COL21A1: variants seen among roughly 807,000 people sequenced by gnomAD.
COL21A1 encodes the protein collagen alpha-1(XXI) chain.
In COL21A1, 149 loss-of-function variants were observed where a neutral mutation model predicts 137.9. The observed-to-expected ratio is 1.08, with a 90% confidence interval of 0.95 to 1.24. The LOEUF (loss-of-function observed/expected upper bound fraction) is 1.24, where lower values mean the gene tolerates loss of function less well. COL21A1 is among the 50% of genes most tolerant of loss of function. The probability of loss-of-function intolerance (pLI) is 0.00; values close to 1 mark genes in which losing one functional copy is unlikely to be tolerated. For missense variants in COL21A1, 1,167 were observed against 1,158.4 expected, an observed-to-expected ratio of 1.01 and a Z score of -0.11; for synonymous variants, 456 against 391.5, an observed-to-expected ratio of 1.16 and a Z score of -1.95.
intron 1 of COL21A1, among the ~76,000 whole-genome samples, chr6:56,263,255 C>T (rs913413572): frequency 1.3e-5 from 2 of 151,980 alleles, no homozygotes; most frequent in East Asian, 3.8e-4. Flanking sequence ...CATAAAGGGC[C>T]AAAGAAATTA....
At chr6:56,098,698 TATATATATAA>T (rs1265003596) in intron 17 of COL21A1, among the ~76,000 whole-genome samples, 17 of 70,688 alleles carry the variant, frequency 2.4e-4, no homozygotes, top group South Asian at 7.1e-4. Flanking sequence ...AATATATAAA[TATATATATAA>T]ATATATATAA....
At chr6:56,246,571 G>A (rs1782657624) in intron 1 of COL21A1, among the ~76,000 whole-genome samples, 1 of 151,976 alleles carries the variant, frequency 6.6e-6, no homozygotes, top group Non-Finnish European at 1.5e-5. Context: ...AAATTTGCAG[G>A]TGTCTTCTCT....
chr6:56,116,073 A>C (rs902375972), intron 16 of COL21A1, among the ~76,000 whole-genome samples: 5 of 152,108 alleles, frequency 3.3e-5, no homozygotes, highest in African/African-American at 1.2e-4. Context: ...CTTAAAGATG[A>C]GGTAGAGAAA....
intron 27 of COL21A1, chr6:56,060,439 A>G: frequency 3.9e-6 from 2 of 516,208 alleles, no homozygotes; most frequent in South Asian, 3.3e-5. Flanking sequence ...GGAAAAAGTG[A>G]AAGTGCCCCC....
chr6:56,255,748 C>CA (rs1448406155), intron 1 of COL21A1, among the ~76,000 whole-genome samples: 2 of 152,154 alleles, frequency 1.3e-5, no homozygotes, highest in African/African-American at 4.8e-5. Flanking sequence ...GTGGCTTCAC[C>CA]CTCAATGCTT....
In COL21A1 at chr6:56,059,833, T is replaced by A. The variant is rs142983809; in HGVS notation, c.2608+185A>T. Among the ~76,000 whole-genome samples, 460 of 152,294 alleles carry A rather than the reference T, an allele frequency of 3.0e-3. 4 individuals carry two copies. Among genetic ancestry groups the A allele is most frequent in the South Asian group, 0.016 (77 of 4,824 alleles). On this transcript the variant is annotated intron_variant, in intron 28 of 29. Transcript: ENST00000244728. ...ATGTGTTCATAAATTTGACTTCTCT[T>A]TTTGAGAATATTGCATTAAGAAAAT...
intron 1 of COL21A1, among the ~76,000 whole-genome samples, chr6:56,207,174 A>C (rs1482883004): frequency 6.6e-6 from 1 of 152,178 alleles, no homozygotes; most frequent in Non-Finnish European, 1.5e-5. Flanking sequence ...GCAGAAGATA[A>C]GAAATAACTA....
chr6:56,078,867 G>C (rs532629027), intron 17 of COL21A1, among the ~76,000 whole-genome samples: 1 of 150,952 alleles, frequency 6.6e-6, no homozygotes, highest in East Asian at 1.9e-4. Context: ...CTTTATAAAC[G>C]TAAGTAGAGA....
intron 19 of COL21A1, among the ~76,000 whole-genome samples, chr6:56,075,022 A>G (rs1767091763): frequency 6.6e-6 from 1 of 151,270 alleles, no homozygotes; most frequent in Non-Finnish European, 1.5e-5. Flanking sequence ...ATAATTTTGA[A>G]TCAGTTTCAT....
At chr6:56,197,492 G>GA (rs1779099474) in intron 1 of COL21A1, among the ~76,000 whole-genome samples, 1 of 151,946 alleles carries the variant, frequency 6.6e-6, no homozygotes, top group Non-Finnish European at 1.5e-5. Context: ...AAATACATAA[G>GA]AAACCCACAC....
At chr6:56,138,255 A>G (rs529233156) in intron 12 of COL21A1, among the ~76,000 whole-genome samples, 1 of 151,212 alleles carries the variant, frequency 6.6e-6, no homozygotes, top group East Asian at 1.9e-4. Context: ...TGTATTTAAT[A>G]TTCTTATTAT....
At position 56,392,637 on chromosome 6, in the gene COL21A1, C is replaced by T. The variant is rs546124556; in HGVS notation, c.-39+1334G>A. Among the ~76,000 whole-genome samples the T allele has an allele frequency of 7.9e-5, 12 of 152,120 alleles. No individual in the cohort carries two copies. In the South Asian group the frequency reaches 2.1e-3, roughly 26 times the overall value. On this transcript the variant is annotated intron_variant, in intron 1 of 28. Coordinates refer to the COL21A1 transcript ENST00000370819. The stretch of plus-strand genomic sequence containing the variant: ...ACACTACTAGAACTCATTCAGTAAA[C>T]GAATTCAGTAAATTTGCAGGATACA...
chr6:56,347,558 C>G (rs1765623811), intron 1 of COL21A1, among the ~76,000 whole-genome samples: 1 of 143,458 alleles, frequency 7.0e-6, no homozygotes, highest in African/African-American at 2.6e-5. Flanking sequence ...ATTACCTGAA[C>G]TACATCTCAG....
intron 1 of COL21A1, among the ~76,000 whole-genome samples, chr6:56,241,662 T>C (rs1782335122): frequency 6.6e-6 from 1 of 152,292 alleles, no homozygotes; most frequent in South Asian, 2.1e-4. Flanking sequence ...CCACAATGCT[T>C]CTCTCTGGGA....
At chr6:56,185,639 G>T (rs918529348) in intron 1 of COL21A1, among the ~76,000 whole-genome samples, 4 of 151,346 alleles carry the variant, frequency 2.6e-5, no homozygotes, top group Admixed American at 1.3e-4. Context: ...GTTTCACCTT[G>T]TTAGCCAGGA....
intron 1 of COL21A1, among the ~76,000 whole-genome samples, chr6:56,189,530 G>C (rs1448135580): frequency 6.6e-6 from 1 of 152,154 alleles, no homozygotes; most frequent in Non-Finnish European, 1.5e-5. Flanking sequence ...ATGGAACCAA[G>C]CTGGAAAACA....
At chr6:56,362,989 T>A (rs1346822138) in intron 1 of COL21A1, among the ~76,000 whole-genome samples, 1 of 152,124 alleles carries the variant, frequency 6.6e-6, no homozygotes, top group Non-Finnish European at 1.5e-5. Flanking sequence ...CTGCCCTGAA[T>A]CTCCATCAGG....
intron 1 of COL21A1, among the ~76,000 whole-genome samples, chr6:56,282,374 CATA>C (rs1215115275): frequency 3.3e-5 from 5 of 149,582 alleles, no homozygotes; most frequent in African/African-American, 1.2e-4. Flanking sequence ...ATGGTTTTTT[CATA>C]ATAACAAAAA....
At chr6:56,336,654 C>T (rs1450289607) in intron 1 of COL21A1, among the ~76,000 whole-genome samples, 3 of 152,116 alleles carry the variant, frequency 2.0e-5, no homozygotes, top group African/African-American at 7.2e-5. Flanking sequence ...TCAGCTTCAA[C>T]CAAATGAGAT....
Sources: gnomAD v4.1 joint callset for allele counts (sites outside exome capture counted in the v4.1 genomes callset) on GRCh38, gnomAD v4.1.1 for gene constraint, MANE v1.5 for transcripts, NCBI Gene and HGNC (gene_info 2026-07-23, HGNC 2026-07-21) for gene names.